The following PPARGC1A variants were observed in gnomAD, a reference collection of about 807,000 sequenced individuals.
The protein encoded by PPARGC1A is peroxisome proliferator-activated receptor gamma coactivator 1-alpha.
In PPARGC1A, 25 loss-of-function variants were observed where a neutral mutation model predicts 88.7. The ratio of observed to expected loss-of-function variants is 0.28; its 90% CI spans 0.21 to 0.39. PPARGC1A has a LOEUF of 0.39. Among genes scored for constraint, PPARGC1A ranks in the 10% least tolerant of loss-of-function variants. The probability of loss-of-function intolerance (pLI) is 1.00; values close to 1 mark genes in which losing one functional copy is unlikely to be tolerated. For missense variants in PPARGC1A, 880 were observed against 968.7 expected, an observed-to-expected ratio of 0.91 and a Z score of 1.22; for synonymous variants, 363 against 355.6, an observed-to-expected ratio of 1.02 and a Z score of -0.24.
chr4:24,165,169 CAATTA>C, the PPARGC1A span, among the ~76,000 whole-genome samples: 1 of 151,746 alleles, frequency 6.6e-6, no homozygotes. Flanking sequence ...GACATATTAA[CAATTA>C]AATTCCAAAA....
rs374175255 is a variant in PPARGC1A, at chr4:23,807,056, A to G, written c.2020-4711T>C. Reference sequence around the variant, plus strand: ...ATGTAAAAATCTTTTTTTCTATGCTAAGGAAACTACATATCAACTTTGGCA... The same window carrying G: ...ATGTAAAAATCTTTTTTTCTATGCTGAGGAAACTACATATCAACTTTGGCA... On this transcript the variant is annotated intron_variant, in intron 10 of 12. Coordinates refer to ENST00000264867, the MANE Select transcript of PPARGC1A (RefSeq NM_013261.5). Among the ~76,000 whole-genome samples, 6 of 152,298 alleles carry G rather than the reference A, an allele frequency of 3.9e-5. No individual in the cohort carries two copies. The South Asian group carries it at 1.2e-3, about 32-fold the overall frequency.
chr4:23,970,800 GACA>G, the PPARGC1A span, among the ~76,000 whole-genome samples: 2 of 152,228 alleles, frequency 1.3e-5, no homozygotes, highest in South Asian at 2.1e-4. Context: ...AGGAGTCAGT[GACA>G]ACGATTTTCA....
At chr4:24,343,608 T>C in the PPARGC1A span, among the ~76,000 whole-genome samples, 463 of 152,334 alleles carry the variant, frequency 3.0e-3, 6 homozygotes, top group African/African-American at 0.011. Flanking sequence ...TATTTTGTTA[T>C]AGCAGCAGGA....
chr4:24,066,108 G>A, the PPARGC1A span, among the ~76,000 whole-genome samples: 77 of 151,888 alleles, frequency 5.1e-4, no homozygotes, highest in African/African-American at 1.8e-3. Context: ...CAGTCTCCTC[G>A]GTGGAAGCTT....
At chr4:24,030,879 T>C in the PPARGC1A span, among the ~76,000 whole-genome samples, 3 of 152,150 alleles carry the variant, frequency 2.0e-5, no homozygotes, top group Non-Finnish European at 4.4e-5. Flanking sequence ...CACTCATTCT[T>C]CCAACAAACA....
chr4:24,084,005 A>G, the PPARGC1A span, among the ~76,000 whole-genome samples: 1 of 152,190 alleles, frequency 6.6e-6, no homozygotes, highest in Non-Finnish European at 1.5e-5. Context: ...AAGTTTGCCC[A>G]TGAGGGAGCT....
At chr4:24,229,850 A>G in the PPARGC1A span, among the ~76,000 whole-genome samples, 1,415 of 151,820 alleles carry the variant, frequency 9.3e-3, 79 homozygotes, top group East Asian at 0.17. Flanking sequence ...TCTCAAAAAA[A>G]AAAAAAAAAA....
chr4:24,043,774 A>G, the PPARGC1A span, among the ~76,000 whole-genome samples: 1 of 152,146 alleles, frequency 6.6e-6, no homozygotes, highest in African/African-American at 2.4e-5. Context: ...AAACATAGCT[A>G]TGGTATTTGT....
chr4:24,221,455 T>G, the PPARGC1A span, among the ~76,000 whole-genome samples: 4 of 152,234 alleles, frequency 2.6e-5, no homozygotes, highest in African/African-American at 9.6e-5. Flanking sequence ...TTTTTATCAA[T>G]GTCTTTCTGA....
At chr4:24,085,029 G>A in the PPARGC1A span, among the ~76,000 whole-genome samples, 1 of 152,302 alleles carries the variant, frequency 6.6e-6, no homozygotes, top group South Asian at 2.1e-4. Flanking sequence ...ATGGATGACA[G>A]TATCTTGATA....
chr4:24,101,750 C>T, the PPARGC1A span, among the ~76,000 whole-genome samples: 1 of 152,224 alleles, frequency 6.6e-6, no homozygotes, highest in African/African-American at 2.4e-5. Context: ...TGTCTTTCTT[C>T]ATGAGTAAAC....
the PPARGC1A span, among the ~76,000 whole-genome samples, chr4:23,957,253 T>C: frequency 1.3e-5 from 2 of 152,078 alleles, no homozygotes; most frequent in African/African-American, 4.8e-5. Context: ...AGAGTGTCCC[T>C]TGTCTCCCTC....
At chr4:24,032,333 C>A in the PPARGC1A span, among the ~76,000 whole-genome samples, 1 of 152,176 alleles carries the variant, frequency 6.6e-6, no homozygotes, top group South Asian at 2.1e-4. Flanking sequence ...AGCAGACCAA[C>A]TGCAGAGACA....
At chr4:24,340,564 AC>A in the PPARGC1A span, among the ~76,000 whole-genome samples, 1 of 152,126 alleles carries the variant, frequency 6.6e-6, no homozygotes, top group Admixed American at 6.5e-5. Flanking sequence ...TGGCTACAAA[AC>A]TTTTTTTTTA....
the PPARGC1A span, among the ~76,000 whole-genome samples, chr4:24,415,093 G>A: frequency 1.3e-5 from 2 of 152,016 alleles, no homozygotes; most frequent in Non-Finnish European, 2.9e-5. Flanking sequence ...GGGAAGCTGA[G>A]GCATGAGAAT....
intron 11 of PPARGC1A, 46 bp downstream of exon 11, chr4:23,802,178 T>G (rs1016805006): frequency 1.2e-6 from 2 of 1,612,770 alleles, no homozygotes; most frequent in Non-Finnish European, 1.7e-6. Context: ...CATAATTTTT[T>G]ACATACGTCA....
chr4:24,191,582 T>A, the PPARGC1A span, among the ~76,000 whole-genome samples: 1 of 152,120 alleles, frequency 6.6e-6, no homozygotes, highest in Non-Finnish European at 1.5e-5. Flanking sequence ...TCTTTAGCCA[T>A]CCACGTAAAT....
At chr4:23,955,555 C>G in the PPARGC1A span, among the ~76,000 whole-genome samples, 5 of 152,008 alleles carry the variant, frequency 3.3e-5, no homozygotes, top group Non-Finnish European at 5.9e-5. Context: ...ATCAAGGTAG[C>G]TTACAGTGAA....
chr4:24,031,623 G>A, the PPARGC1A span, among the ~76,000 whole-genome samples: 2 of 152,038 alleles, frequency 1.3e-5, no homozygotes, highest in African/African-American at 2.4e-5. Context: ...ATCATTCTTC[G>A]TTGTCTGTCC....
Sources: gnomAD v4.1 joint callset for allele counts (sites outside exome capture counted in the v4.1 genomes callset) on GRCh38, gnomAD v4.1.1 for gene constraint, MANE v1.5 for transcripts, NCBI Gene and HGNC (gene_info 2026-07-23, HGNC 2026-07-21) for gene names.